MACROD2: variants seen among roughly 807,000 people sequenced by gnomAD.
MACROD2 encodes the protein mono-ADP ribosylhydrolase 2.
MACROD2 carries 36 observed loss-of-function variants against 70.4 expected under a neutral mutation model. That is an observed-to-expected ratio of 0.51 (90% CI 0.39 to 0.68). The LOEUF is 0.68. MACROD2 is among the 30% of genes least tolerant of loss of function. The pLI is 0.00. For synonymous variants in MACROD2, 172 were observed against 178.8 expected, an observed-to-expected ratio of 0.96 and a Z score of 0.30; for missense variants, 496 against 538.4, an observed-to-expected ratio of 0.92 and a Z score of 0.78.
At chr20:14,065,490 G>T (rs1420686989) in intron 2 of MACROD2, among the ~76,000 whole-genome samples, 1 of 152,154 alleles carries the variant, frequency 6.6e-6, no homozygotes, top group Non-Finnish European at 1.5e-5. Flanking sequence ...TATGTATAGG[G>T]TATTGTGCTG....
At chr20:14,399,962 C>T (rs1305914787) in intron 3 of MACROD2, among the ~76,000 whole-genome samples, 1 of 152,050 alleles carries the variant, frequency 6.6e-6, no homozygotes, top group Non-Finnish European at 1.5e-5. Flanking sequence ...AATCTTTCTT[C>T]TGTCTACTTG....
intron 3 of MACROD2, among the ~76,000 whole-genome samples, chr20:14,490,832 A>C (rs1600297256): frequency 6.6e-6 from 1 of 152,146 alleles, no homozygotes. Context: ...AGGAAGAAAA[A>C]GGGTCAAAGT....
intron 6 of MACROD2, among the ~76,000 whole-genome samples, chr20:15,428,054 G>A (rs1401266414): frequency 1.3e-5 from 2 of 152,174 alleles, no homozygotes; most frequent in African/African-American, 4.8e-5. Flanking sequence ...GCCTTGCTCT[G>A]GAGCAACAGA....
At chr20:14,816,165 T>A (rs1027777983) in intron 5 of MACROD2, among the ~76,000 whole-genome samples, 1 of 151,988 alleles carries the variant, frequency 6.6e-6, no homozygotes, top group East Asian at 1.9e-4. Flanking sequence ...TACGGAAAGA[T>A]AAGATGGTAG....
intron 3 of MACROD2, among the ~76,000 whole-genome samples, chr20:14,306,844 G>A (rs959632009): frequency 1.2e-4 from 19 of 152,270 alleles, no homozygotes; most frequent in Admixed American, 1.2e-3. Flanking sequence ...TATCCCAGGA[G>A]TGCCAGTTAG....
chr20:15,838,531 T>C (rs1383953063), intron 8 of MACROD2, among the ~76,000 whole-genome samples: 1 of 152,186 alleles, frequency 6.6e-6, no homozygotes, highest in Non-Finnish European at 1.5e-5. Flanking sequence ...CTTTGGGGGT[T>C]CATTTCACTT....
At chr20:15,255,967 C>A (rs2077195970) in intron 6 of MACROD2, among the ~76,000 whole-genome samples, 1 of 152,058 alleles carries the variant, frequency 6.6e-6, no homozygotes, top group Admixed American at 6.6e-5. Flanking sequence ...TGTGCTTGGG[C>A]TTGTGACATC....
chr20:14,390,329 T>C (rs1484138329), intron 3 of MACROD2, among the ~76,000 whole-genome samples: 1 of 152,200 alleles, frequency 6.6e-6, no homozygotes, highest in African/African-American at 2.4e-5. Flanking sequence ...CAAACCAATT[T>C]ATAGATTCAG....
chr20:15,987,663 G>A (rs2066505327), intron 15 of MACROD2, among the ~76,000 whole-genome samples: 1 of 152,088 alleles, frequency 6.6e-6, no homozygotes, highest in Non-Finnish European at 1.5e-5. Flanking sequence ...TTTAAAAAAA[G>A]TGAGCATTAT....
chr20:15,140,555 T>G (rs1028432469), intron 5 of MACROD2, among the ~76,000 whole-genome samples: 2 of 152,186 alleles, frequency 1.3e-5, no homozygotes. Flanking sequence ...TATGAGATCA[T>G]TAGTTTACTT....
chr20:15,951,349 ACAAAGAG>A (rs1486251851), intron 12 of MACROD2, among the ~76,000 whole-genome samples: 33 of 150,580 alleles, frequency 2.2e-4, no homozygotes, highest in Admixed American at 2.0e-3. Flanking sequence ...ACACACACAC[ACAAAGAG>A]AGAGAGAGAG....
At chr20:15,239,347 T>C (rs948744174) in intron 6 of MACROD2, among the ~76,000 whole-genome samples, 28 of 152,236 alleles carry the variant, frequency 1.8e-4, no homozygotes, top group African/African-American at 6.3e-4. Flanking sequence ...GACTTGTTTA[T>C]GTACAATTCA....
chr20:15,253,869 T>C lies in MACROD2; in HGVS notation c.540+23808T>C, dbSNP rs529648738. Among the ~76,000 whole-genome samples the C allele has an allele frequency of 2.0e-5, 3 of 152,324 alleles. No individual in the cohort carries two copies. The South Asian group carries it at 6.2e-4, about 32-fold the overall frequency. On this transcript the variant is annotated intron_variant, in intron 6 of 17. Transcript: ENST00000684519. ...AGCAAAATCTGTAACAGGGTGGATT[T>C]CAAAAATTATTTTTTATCAAGGCAT...
At chr20:14,742,528 T>C (rs1056131231) in intron 5 of MACROD2, among the ~76,000 whole-genome samples, 1 of 151,986 alleles carries the variant, frequency 6.6e-6, no homozygotes, top group Non-Finnish European at 1.5e-5. Flanking sequence ...TATCATTATG[T>C]TACTTCTAAG....
intron 3 of MACROD2, among the ~76,000 whole-genome samples, chr20:14,310,929 G>T (rs186830671): frequency 2.6e-5 from 4 of 152,024 alleles, no homozygotes; most frequent in African/African-American, 7.2e-5. Context: ...TTTTTGTGCC[G>T]CTGTACAACG....
chr20:14,032,612 C>T (rs552871419), intron 2 of MACROD2, among the ~76,000 whole-genome samples: 29 of 152,072 alleles, frequency 1.9e-4, no homozygotes, highest in African/African-American at 6.7e-4. Flanking sequence ...CCATTTTTTT[C>T]TATTGCATTG....
intron 10 of MACROD2, among the ~76,000 whole-genome samples, chr20:15,908,502 C>A (rs901882041): frequency 1.3e-5 from 2 of 152,164 alleles, no homozygotes; most frequent in South Asian, 4.1e-4. Context: ...CTTTTTACAC[C>A]CCTTTGAATG....
chr20:15,988,320 G>C (rs956468532), intron 15 of MACROD2, among the ~76,000 whole-genome samples: 3 of 152,100 alleles, frequency 2.0e-5, no homozygotes, highest in African/African-American at 7.2e-5. Flanking sequence ...CCCTTACTCA[G>C]AATCAGATAT....
chr20:14,100,042 A>G (rs1049173700), intron 3 of MACROD2, among the ~76,000 whole-genome samples: 2 of 152,084 alleles, frequency 1.3e-5, no homozygotes, highest in African/African-American at 4.8e-5. Flanking sequence ...TATTGAGTTC[A>G]TGAAAATACA....
Sources: gnomAD v4.1 joint callset for allele counts (sites outside exome capture counted in the v4.1 genomes callset) on GRCh38, gnomAD v4.1.1 for gene constraint, MANE v1.5 for transcripts, NCBI Gene and HGNC (gene_info 2026-07-23, HGNC 2026-07-21) for gene names.